Variants in ZFAND3 observed in about 807,000 individuals in gnomAD.
ZFAND3 encodes the protein zinc finger AN1-type containing 3, also known as AN1-type zinc finger protein 3.
A neutral mutation model predicts 29.6 loss-of-function variants in ZFAND3; 10 were observed. That is an observed-to-expected ratio of 0.34 (90% CI 0.21 to 0.57). The LOEUF (loss-of-function observed/expected upper bound fraction) is 0.57. Ranked by LOEUF, ZFAND3 falls within the 20% of genes least tolerant of loss-of-function variation. The probability of loss-of-function intolerance (pLI) is 0.86; values close to 1 mark genes in which losing one functional copy is unlikely to be tolerated. For synonymous variants in ZFAND3, 128 were observed against 112.6 expected, an observed-to-expected ratio of 1.14 and a Z score of -0.87; for missense variants, 230 against 304.5, an observed-to-expected ratio of 0.76 and a Z score of 1.82.
chr6:38,033,298 A>G (rs1763596441), intron 2 of ZFAND3, among the ~76,000 whole-genome samples: 1 of 152,208 alleles, frequency 6.6e-6, no homozygotes, highest in Non-Finnish European at 1.5e-5. Context: ...TAGGCTGGAA[A>G]ATATTAATCC....
At chr6:38,080,141 C>T (rs1413719499) in intron 3 of ZFAND3, among the ~76,000 whole-genome samples, 1 of 151,124 alleles carries the variant, frequency 6.6e-6, no homozygotes, top group Non-Finnish European at 1.5e-5. Flanking sequence ...GAACATCACA[C>T]ACCAGAGCCT....
At chr6:37,836,623 A>C (rs1387885282) in intron 1 of ZFAND3, among the ~76,000 whole-genome samples, 1 of 152,176 alleles carries the variant, frequency 6.6e-6, no homozygotes, top group African/African-American at 2.4e-5. Flanking sequence ...GCATGGTACC[A>C]GGGTATGTTT....
At chr6:37,923,285 T>C (rs961768376) in intron 1 of ZFAND3, among the ~76,000 whole-genome samples, 14 of 152,178 alleles carry the variant, frequency 9.2e-5, no homozygotes, top group African/African-American at 3.4e-4. Flanking sequence ...TTTTTGCTTT[T>C]AAAGCTTTTT....
intron 2 of ZFAND3, among the ~76,000 whole-genome samples, chr6:38,004,873 AAG>A (rs1325378932): frequency 1.3e-5 from 2 of 152,176 alleles, no homozygotes; most frequent in African/African-American, 4.8e-5. Flanking sequence ...CAGACTGAGA[AAG>A]AGAGTGGCAG....
intron 1 of ZFAND3, chr6:37,833,056 T>C (rs1346198144): frequency 6.6e-6 from 1 of 152,202 alleles, no homozygotes; most frequent in Non-Finnish European, 1.5e-5. Context: ...TGATGGTCCT[T>C]TGTTCATGGC....
chr6:37,819,951 A>G lies in ZFAND3; in HGVS notation c.6A>G (p.Gly2=). 2 of 1,212,720 alleles carry G rather than the reference A, an allele frequency of 1.6e-6. No individual in the cohort carries two copies. Among genetic ancestry groups the G allele is most frequent in the Non-Finnish European group, 2.0e-6 (2 of 975,646 alleles). 75.1% of individuals were successfully genotyped at this position (1,212,720 alleles called of 1,614,324 possible). A position where few individuals can be genotyped will look rare whatever the true frequency, so the allele number is the denominator to read the frequency against. Residue 2 remains glycine (G), a synonymous_variant, in exon 1 of 6, where the codon GGA becomes GGG. Coordinates refer to ENST00000287218, the MANE Select transcript of ZFAND3 (RefSeq NM_021943.3). Reference sequence around the variant, plus strand: ...CTCCGCCGCCGCCGAGCACCATGGGAGACGCTGGGAGCGAGCGCAGCAAAG... The same window carrying G: ...CTCCGCCGCCGCCGAGCACCATGGGGGACGCTGGGAGCGAGCGCAGCAAAG... M[G]DAGSERSKAP...
intron 2 of ZFAND3, among the ~76,000 whole-genome samples, chr6:37,962,900 C>T (rs1581795127): frequency 6.6e-6 from 1 of 152,184 alleles, no homozygotes; most frequent in East Asian, 1.9e-4. Context: ...CGGCTTCACT[C>T]CTGAAGTCAG....
intron 1 of ZFAND3, among the ~76,000 whole-genome samples, chr6:37,857,230 T>G (rs1164189057): frequency 6.6e-6 from 1 of 152,214 alleles, no homozygotes; most frequent in Non-Finnish European, 1.5e-5. Flanking sequence ...CAGATATGCT[T>G]TATAATAATC....
intron 1 of ZFAND3, among the ~76,000 whole-genome samples, chr6:37,868,481 A>G (rs1008619880): frequency 1.3e-5 from 2 of 152,168 alleles, no homozygotes; most frequent in African/African-American, 4.8e-5. Context: ...TGGGGTACAT[A>G]GTGGAGGGTA....
chr6:37,919,966 CTT>C (rs1761341418), intron 1 of ZFAND3, among the ~76,000 whole-genome samples: 1 of 150,080 alleles, frequency 6.7e-6, no homozygotes, highest in Admixed American at 6.7e-5. Context: ...CTACATTCCT[CTT>C]TTGAAATCCC....
chr6:38,090,098 CCA>C (rs1764834478), intron 4 of ZFAND3, among the ~76,000 whole-genome samples: 2 of 152,272 alleles, frequency 1.3e-5, no homozygotes, highest in South Asian at 4.1e-4. Context: ...AGTAATCTGC[CCA>C]CCTTGGCCTC....
chr6:38,154,039 C>A lies in ZFAND3; in HGVS notation c.*1650C>A, dbSNP rs1256602480. Reference sequence around the variant, plus strand: ...CCACCCTCCACCCACCAGAGTGGAACCCGCTGCAAAATCCCCAGCCTTAAT... The same window carrying A: ...CCACCCTCCACCCACCAGAGTGGAAACCGCTGCAAAATCCCCAGCCTTAAT... On this transcript the variant is annotated 3_prime_UTR_variant, in exon 6 of 6. Coordinates refer to ENST00000287218, the MANE Select transcript of ZFAND3 (RefSeq NM_021943.3). The A allele has an allele frequency of 3.0e-6, 3 of 985,536 alleles. No homozygotes were observed. The highest frequency in any genetic ancestry group is 3.6e-6 in the Non-Finnish European group (3 of 829,970). The allele number at this position is 985,536 out of a possible 1,614,324, so 61.0% of individuals were successfully genotyped here. A position where few individuals can be genotyped will look rare whatever the true frequency, so the allele number is the denominator to read the frequency against.
chr6:37,996,561 T>TG (rs1762852782), intron 2 of ZFAND3, among the ~76,000 whole-genome samples: 2 of 152,152 alleles, frequency 1.3e-5, no homozygotes, highest in Non-Finnish European at 2.9e-5. Flanking sequence ...TAATAGGTTT[T>TG]TTTTGTTTTG....
intron 1 of ZFAND3, among the ~76,000 whole-genome samples, chr6:37,894,922 A>T (rs2127398191): frequency 6.6e-6 from 1 of 152,224 alleles, no homozygotes; most frequent in South Asian, 2.1e-4. Flanking sequence ...GGCTGCTTTT[A>T]ATAATTTGTC....
intron 4 of ZFAND3, among the ~76,000 whole-genome samples, chr6:38,107,219 AAAAC>A (rs762756682): frequency 3.2e-4 from 48 of 152,338 alleles, no homozygotes; most frequent in Admixed American, 1.9e-3. Flanking sequence ...CCATCAGACT[AAAAC>A]AAATCATGAT....
intron 1 of ZFAND3, among the ~76,000 whole-genome samples, chr6:37,914,770 G>A (rs987896098): frequency 2.0e-5 from 3 of 148,996 alleles, no homozygotes; most frequent in African/African-American, 7.5e-5. Flanking sequence ...CAAAGTGCTG[G>A]GATTACAGGT....
chr6:37,894,060 G>A (rs1765153004), intron 1 of ZFAND3, among the ~76,000 whole-genome samples: 1 of 152,066 alleles, frequency 6.6e-6, no homozygotes, highest in African/African-American at 2.4e-5. Flanking sequence ...TTCAAGAGCA[G>A]CCTGGGCAAC....
chr6:37,836,266 C>T (rs1277828417), intron 1 of ZFAND3, among the ~76,000 whole-genome samples: 2 of 150,692 alleles, frequency 1.3e-5, no homozygotes, highest in Non-Finnish European at 3.0e-5. Flanking sequence ...GATAGTTCAT[C>T]CTTGACCTTT....
At chr6:38,010,279 A>AAAAAAAACAGGTGT (rs1195677691) in intron 2 of ZFAND3, among the ~76,000 whole-genome samples, 1 of 151,910 alleles carries the variant, frequency 6.6e-6, no homozygotes, top group Non-Finnish European at 1.5e-5. Flanking sequence ...GAGTACGCAG[A>AAAAAAAACAGGTGT]AAAAAAACAG....
Sources: allele counts gnomAD v4.1 joint callset (sites outside exome capture counted in the v4.1 genomes callset), GRCh38; gene constraint gnomAD v4.1.1; transcripts MANE v1.5; gene names NCBI Gene and HGNC (gene_info 2026-07-23, HGNC 2026-07-21).